The following PIK3C2A variants were observed in gnomAD, a reference collection of about 807,000 sequenced individuals.
The protein encoded by PIK3C2A is phosphatidylinositol-4-phosphate 3-kinase catalytic subunit type 2 alpha, also known as phosphatidylinositol 4-phosphate 3-kinase C2 domain-containing subunit alpha.
In PIK3C2A, 97 loss-of-function variants were observed where a neutral mutation model predicts 204.5. The observed-to-expected ratio is 0.47, with a 90% CI of 0.40 to 0.56. The LOEUF is 0.56. PIK3C2A is among the 20% of genes least tolerant of loss of function. The pLI is 0.00. For synonymous variants in PIK3C2A, 653 were observed against 664.4 expected (o/e 0.98, Z 0.26); for missense variants, 1,735 against 1,969.2 (o/e 0.88, Z 2.25).
At chr11:17,164,810 G>A (rs1850894963) in intron 2 of PIK3C2A, among the ~76,000 whole-genome samples, 1 of 152,090 alleles carries the variant, frequency 6.6e-6, no homozygotes, top group Non-Finnish European at 1.5e-5. Context: ...TATGTGACTT[G>A]ATTACCCAGA....
chr11:17,128,346 T>G (rs1037560320), intron 13 of PIK3C2A, among the ~76,000 whole-genome samples: 1 of 150,858 alleles, frequency 6.6e-6, no homozygotes, highest in Non-Finnish European at 1.5e-5. Flanking sequence ...GTGATTCTCA[T>G]GCCTCAGCCT....
At chr11:17,117,283 C>T (rs916263541) in intron 19 of PIK3C2A, among the ~76,000 whole-genome samples, 2 of 152,028 alleles carry the variant, frequency 1.3e-5, no homozygotes, top group Non-Finnish European at 2.9e-5. Flanking sequence ...AATAAATAAG[C>T]ATGGGAAAAT....
At chr11:17,196,581 T>A (rs1010204030) in intron 1 of PIK3C2A, among the ~76,000 whole-genome samples, 13 of 152,308 alleles carry the variant, frequency 8.5e-5, no homozygotes, top group East Asian at 3.9e-4. Context: ...TATTATTATT[T>A]TTTTTTGAGA....
At chr11:17,116,393 C>T (rs1849192351) in intron 19 of PIK3C2A, among the ~76,000 whole-genome samples, 1 of 151,862 alleles carries the variant, frequency 6.6e-6, no homozygotes, top group Non-Finnish European at 1.5e-5. Flanking sequence ...GGAAAAAAAA[C>T]AATGTTGGTG....
Position 17,098,880 on chromosome 11 carries a change from A to G in PIK3C2A, c.4118+980T>C, listed in dbSNP as rs113370776. Among the ~76,000 whole-genome samples, 342 of 152,284 alleles carry G rather than the reference A, an allele frequency of 2.2e-3. 1 individual carries two copies. Among genetic ancestry groups the G allele is most frequent in the Non-Finnish European group, 3.8e-3 (257 of 68,012 alleles). On this transcript the variant is annotated intron_variant, in intron 26 of 32. Coordinates refer to ENST00000691414, the MANE Select transcript of PIK3C2A (RefSeq NM_002645.4). Reference sequence around the variant, plus strand: ...TAACCAGCCTGATCACCAGACCTTTAGAACATATTTGTCAAGAAGATCTGT... The same window carrying G: ...TAACCAGCCTGATCACCAGACCTTTGGAACATATTTGTCAAGAAGATCTGT...
intron 3 of PIK3C2A, among the ~76,000 whole-genome samples, chr11:17,151,184 A>G (rs1850415296): frequency 6.6e-6 from 1 of 152,230 alleles, no homozygotes; most frequent in African/African-American, 2.4e-5. Flanking sequence ...TTCTTCCCTC[A>G]AAGTGATTTC....
intron 1 of PIK3C2A, among the ~76,000 whole-genome samples, chr11:17,178,318 C>G (rs144604411): frequency 6.6e-6 from 1 of 151,992 alleles, no homozygotes; most frequent in Non-Finnish European, 1.5e-5. Flanking sequence ...AGTTACATTT[C>G]AAGTGCTCAG....
intron 22 of PIK3C2A, among the ~76,000 whole-genome samples, chr11:17,106,237 C>T (rs1322737725): frequency 6.6e-6 from 1 of 151,608 alleles, no homozygotes; most frequent in East Asian, 1.9e-4. Flanking sequence ...CATAGCAAAA[C>T]CCCACCACTA....
intron 11 of PIK3C2A, among the ~76,000 whole-genome samples, chr11:17,134,027 T>C (rs922206743): frequency 6.6e-6 from 1 of 152,184 alleles, no homozygotes; most frequent in African/African-American, 2.4e-5. Flanking sequence ...GTTTTCCTGC[T>C]ATATTTTCCT....
Position 17,101,606 on chromosome 11 carries a change from T to C in PIK3C2A, c.3852-172A>G, listed in dbSNP as rs569233374. ...TTAAAATAACATTTTTCTTTTTTTT[T>C]CTTTTTTTTTTTTTTGAGACAGAGT... On this transcript the variant is annotated intron_variant, in intron 24 of 32. Coordinates refer to ENST00000691414, the MANE Select transcript of PIK3C2A (RefSeq NM_002645.4). Among the ~76,000 whole-genome samples, 7 of 151,540 alleles carry C rather than the reference T, an allele frequency of 4.6e-5. No homozygotes were observed. In the East Asian group the frequency reaches 1.4e-3, roughly 29 times the overall value.
At chr11:17,110,311 G>T in intron 22 of PIK3C2A, 121 bp downstream of exon 22, 1 of 690,640 alleles carries the variant, frequency 1.4e-6, no homozygotes, top group Non-Finnish European at 2.4e-6. Flanking sequence ...AAGTAACACT[G>T]GATTAAAATA....
intron 1 of PIK3C2A, among the ~76,000 whole-genome samples, chr11:17,181,639 T>C (rs1591005940): frequency 0.039 from 134 of 3,400 alleles, 10 homozygotes; most frequent in Admixed American, 0.16. Context: ...TATATATATA[T>C]ATATATATAT....
rs201245466 is a variant in PIK3C2A at position 17,122,302 on chromosome 11, A to G, written c.2543T>C (p.Ile848Thr). The G allele has an allele frequency of 4.5e-6, 7 of 1,540,038 alleles. No homozygotes were observed. Among genetic ancestry groups the G allele is most frequent in the African/African-American group, 1.4e-5 (1 of 73,302 alleles). The change falls in exon 15 of 33, where the codon ATT (isoleucine) becomes ACT (threonine). Residue 848 changes from isoleucine (I) to threonine (T), a missense_variant. This residue lies in a region of PIK3C2A where 567 missense variants were observed against 576.0 expected (regional missense o/e 0.98). Coordinates refer to ENST00000691414, the MANE Select transcript of PIK3C2A (RefSeq NM_002645.4). The part of the protein sequence containing the change: ...VDFPSPAFDI[I>T]YTTPQVDRSI... ...TCTGTCAACTTGAGGAGTTGTATAA[A>G]TAATATCAAATGCAGGAGAAGGAAA...
At chr11:17,120,378 G>C (rs1319952207) in intron 15 of PIK3C2A, among the ~76,000 whole-genome samples, 5 of 151,796 alleles carry the variant, frequency 3.3e-5, no homozygotes, top group Non-Finnish European at 7.4e-5. Flanking sequence ...TAAAATTTTG[G>C]AACATATTTA....
chr11:17,099,736 A>T, intron 26 of PIK3C2A, 124 bp downstream of exon 26: 3 of 533,042 alleles, frequency 5.6e-6, no homozygotes, highest in Non-Finnish European at 1.0e-5. Flanking sequence ...ATGTGCAATT[A>T]CTATGAATCA....
intron 1 of PIK3C2A, 106 bp from the exon 2 acceptor site, chr11:17,169,912 T>C (rs1851104687): frequency 3.5e-6 from 2 of 568,028 alleles, no homozygotes; most frequent in Non-Finnish European, 6.1e-6. Context: ...CTTAGAAAAA[T>C]ATACTACAAA....
intron 1 of PIK3C2A, among the ~76,000 whole-genome samples, chr11:17,185,897 T>C (rs1003980833): frequency 5.9e-5 from 9 of 152,166 alleles, no homozygotes; most frequent in African/African-American, 2.2e-4. Context: ...CTCAACACAG[T>C]AGCTGGAGTG....
At chr11:17,170,159 C>T (rs1361761086) in intron 1 of PIK3C2A, among the ~76,000 whole-genome samples, 1 of 152,194 alleles carries the variant, frequency 6.6e-6, no homozygotes, top group Non-Finnish European at 1.5e-5. Flanking sequence ...GTGCTAGTCA[C>T]ATATTTTCAA....
intron 1 of PIK3C2A, among the ~76,000 whole-genome samples, chr11:17,190,515 G>A (rs1851903800): frequency 1.3e-5 from 2 of 150,772 alleles, no homozygotes; most frequent in South Asian, 4.2e-4. Context: ...AGGTTGCAGT[G>A]AGCCGAGATT....
Sources: allele counts gnomAD v4.1 joint callset (sites outside exome capture counted in the v4.1 genomes callset), GRCh38; gene constraint gnomAD v4.1.1; regional missense constraint gnomAD v4.1.1; transcripts MANE v1.5; gene names NCBI Gene and HGNC (gene_info 2026-07-23, HGNC 2026-07-21).